Variants in FOSL2 observed in about 807,000 individuals in gnomAD.
FOSL2 encodes fos-related antigen 2.
FOSL2 carries 3 observed loss-of-function variants against 27.7 expected under a neutral mutation model. The ratio of observed to expected loss-of-function variants is 0.11; its 90% confidence interval spans 0.05 to 0.28. The LOEUF (loss-of-function observed/expected upper bound fraction) is 0.28, where lower values mean the gene tolerates loss of function less well. Among genes scored for constraint, FOSL2 ranks in the 10% least tolerant of loss-of-function variants. The pLI, the probability that FOSL2 is intolerant of heterozygous loss-of-function variation, is 1.00. For synonymous variants in FOSL2, 179 were observed against 190.1 expected (o/e 0.94, Z 0.48); for missense variants, 333 against 445.1 (o/e 0.75, Z 2.27).
At chr2:28,398,159 A>T (rs1663896105) in intron 1 of FOSL2, among the ~76,000 whole-genome samples, 1 of 152,256 alleles carries the variant, frequency 6.6e-6, no homozygotes, top group Non-Finnish European at 1.5e-5. Flanking sequence ...AAAGAAAAAA[A>T]TAGCATCATT....
chr2:28,403,408 G>A (rs186024686), intron 1 of FOSL2, among the ~76,000 whole-genome samples: 2 of 152,314 alleles, frequency 1.3e-5, no homozygotes, highest in Non-Finnish European at 2.9e-5. Context: ...TAGCTGGGTA[G>A]AGAGACACAC....
intron 2 of FOSL2, among the ~76,000 whole-genome samples, chr2:28,406,111 A>C (rs1375455578): frequency 2.1e-5 from 3 of 146,034 alleles, no homozygotes; most frequent in Non-Finnish European, 4.5e-5. Context: ...GCTAGAATGC[A>C]GTGGCACGAT....
chr2:28,412,497 C>T lies in FOSL2; in HGVS notation c.*49C>T, dbSNP rs762694247. The T allele has an allele frequency of 1.2e-5, 19 of 1,568,258 alleles. No homozygotes were observed. Among genetic ancestry groups the T allele is most frequent in the Admixed American group, 1.2e-4 (7 of 58,824 alleles). On this transcript the variant is annotated 3_prime_UTR_variant, in exon 4 of 4. Coordinates refer to ENST00000264716, the MANE Select transcript of FOSL2 (RefSeq NM_005253.4). The surrounding 1 kb of genome is among the most constrained non-coding windows in gnomAD (Gnocchi z 7.1). Reference sequence around the variant, plus strand: ...TCCGGAGGGGGTCCTCCTCGCTCCTCCTTCCCAGGGACCAGCACCTTCAAG... The same window carrying T: ...TCCGGAGGGGGTCCTCCTCGCTCCTTCTTCCCAGGGACCAGCACCTTCAAG...
rs867408687 is a variant in FOSL2, at chr2:28,404,582, C to T, written c.354+224C>T. Among the ~76,000 whole-genome samples, 2 of 152,182 alleles carry T rather than the reference C, an allele frequency of 1.3e-5. No homozygotes were observed. The highest frequency in any genetic ancestry group is 2.4e-5 in the African/African-American group (1 of 41,444). On this transcript the variant is annotated intron_variant, in intron 2 of 3. Coordinates refer to ENST00000264716, the MANE Select transcript of FOSL2 (RefSeq NM_005253.4). The surrounding 1 kb of genome is among the most constrained non-coding windows in gnomAD (Gnocchi z 4.7). The stretch of plus-strand genomic sequence containing the variant: ...CTTATGTCCCTTAGAATCTCTGAGT[C>T]TCACTTTCCTCAGCCACAAAATGGG...
intron 2 of FOSL2, among the ~76,000 whole-genome samples, chr2:28,406,090 C>T (rs2148090668): frequency 7.0e-6 from 1 of 142,260 alleles, no homozygotes; most frequent in East Asian, 2.3e-4. Context: ...GAGTCCTGCT[C>T]TATCACTCAG....
intron 1 of FOSL2, chr2:28,396,811 C>CACACACACACACACACACACAA (rs1663850482): frequency 4.0e-5 from 6 of 150,922 alleles, no homozygotes; most frequent in African/African-American, 1.5e-4. Flanking sequence ...CACACACACA[C>CACACACACACACACACACACAA]ACACACACAC....
chr2:28,405,315 C>T (rs915183239), intron 2 of FOSL2, among the ~76,000 whole-genome samples: 1 of 152,208 alleles, frequency 6.6e-6, no homozygotes, highest in Non-Finnish European at 1.5e-5. Context: ...GAAGTCTGGG[C>T]TAGATCCCAG....
rs1663713950 is a variant in FOSL2 at position 28,393,215 on chromosome 2, G to T, written c.-506G>T. On this transcript the variant is annotated 5_prime_UTR_variant, in exon 1 of 4. Coordinates refer to ENST00000264716, the MANE Select transcript of FOSL2 (RefSeq NM_005253.4). The surrounding 1 kb of genome is among the most constrained non-coding windows in gnomAD (Gnocchi z 4.6). ...GTCGGCCACGGGAAGTTTATTCTCC[G>T]GCTCCTTTTCTAAAAGGAAGAAACA... The T allele has an allele frequency of 4.2e-6, 1 of 238,140 alleles. No homozygotes were observed. The highest frequency in any genetic ancestry group is 5.8e-5 in the Admixed American group (1 of 17,206). 14.8% of individuals were successfully genotyped at this position (238,140 alleles called of 1,614,324 possible).
At chr2:28,396,799 C>CACACACACACACACACACACAA (rs1231736529) in intron 1 of FOSL2, 1 of 144,354 alleles carries the variant, frequency 6.9e-6, no homozygotes, top group African/African-American at 2.6e-5. Flanking sequence ...GACACACACA[C>CACACACACACACACACACACAA]ACACACACAC....
In FOSL2 at chr2:28,407,878, C is replaced by T. The variant is rs143830275; in HGVS notation, c.355-881C>T. Among the ~76,000 whole-genome samples the T allele has an allele frequency of 2.9e-3, 444 of 152,288 alleles. 3 individuals are homozygous for T. The highest frequency in any genetic ancestry group is 4.5e-3 in the Non-Finnish European group (306 of 68,030). On this transcript the variant is annotated intron_variant, in intron 2 of 3. Transcript: ENST00000264716. Reference sequence around the variant, plus strand: ...TCAGTAGAGCAGAGTTCATGCTTTCCGGTATGAGTGACAGATTCCTAACTG... The same window carrying T: ...TCAGTAGAGCAGAGTTCATGCTTTCTGGTATGAGTGACAGATTCCTAACTG...
chr2:28,396,942 C>T (rs1157900647), intron 1 of FOSL2: 1 of 152,132 alleles, frequency 6.6e-6, no homozygotes, highest in East Asian at 1.9e-4. Context: ...TAGCCTCAAT[C>T]ATACCTCTCT....
rs779551070 is a variant in FOSL2 at position 28,412,292 on chromosome 2, G to A, written c.825G>A (p.Pro275=). The A allele has an allele frequency of 3.3e-5, 53 of 1,613,952 alleles. No homozygotes were observed. The highest frequency in any genetic ancestry group is 4.2e-5 in the Non-Finnish European group (49 of 1,180,010). The change falls in exon 4 of 4, where the codon CCG becomes CCA. Residue 275 remains proline, a synonymous_variant. Coordinates refer to ENST00000264716, the MANE Select transcript of FOSL2 (RefSeq NM_005253.4). This position sits in a 1 kb window ranked among gnomAD's most constrained non-coding sequence, Gnocchi z 7.1. ...IVVTSTPAVT[P]GTSNLVFTYP... ...TGACCTCCACACCTGCTGTCACTCCGGGCACCTCGAACCTCGTCTTCACCT... is the reference window on the plus strand; with the variant it reads ...TGACCTCCACACCTGCTGTCACTCCAGGCACCTCGAACCTCGTCTTCACCT...
Position 28,413,312 on chromosome 2 carries a change from G to A in FOSL2, c.*864G>A, listed in dbSNP as rs1664244582. 5.0e-6 allele frequency: 2 copies of A among 396,224 alleles called. No homozygotes were observed. Among genetic ancestry groups the A allele is most frequent in the Non-Finnish European group, 8.9e-6 (2 of 225,188 alleles). 24.5% of individuals were successfully genotyped at this position (396,224 alleles called of 1,614,324 possible). On this transcript the variant is annotated 3_prime_UTR_variant, in exon 4 of 4. Coordinates refer to ENST00000264716, the MANE Select transcript of FOSL2 (RefSeq NM_005253.4). ...CCTAGCCAGCTTCCCTTCACCTGGT[G>A]TCTTGAGTAGGGCGTCTCCTGTAAT...
chr2:28,403,111 C>T (rs1175711982), intron 1 of FOSL2, among the ~76,000 whole-genome samples: 1 of 152,200 alleles, frequency 6.6e-6, no homozygotes, highest in East Asian at 1.9e-4. Context: ...ATTAGGGGGA[C>T]TTGCCTCTGA....
rs950522343 is a variant in FOSL2, at chr2:28,415,597, C to T, written c.*3149C>T. 6.6e-6 allele frequency: 1 copy of T among 152,158 alleles called. No individual in the cohort carries two copies. Among genetic ancestry groups the T allele is most frequent in the East Asian group, 1.9e-4 (1 of 5,192 alleles). The allele number at this position is 152,158 out of a possible 1,614,324, so 9.4% of individuals were successfully genotyped here. ...CTTTTTTTCTCTTTTCCTTGATGGA[C>T]CAACAGTGCAAATGCAATCTCGCCA... On this transcript the variant is annotated 3_prime_UTR_variant, in exon 4 of 4. Transcript: ENST00000264716.
At position 28,416,749 on chromosome 2, in the gene FOSL2, T is replaced by C. The variant is rs1664319245; in HGVS notation, c.*4301T>C. 1 of 152,056 alleles carries C rather than the reference T, an allele frequency of 6.6e-6. No individual in the cohort carries two copies. Among genetic ancestry groups the C allele is most frequent in the African/African-American group, 2.4e-5 (1 of 41,380 alleles). 9.4% of individuals were successfully genotyped at this position (152,056 alleles called of 1,614,324 possible). ...AAAATATTTGACTTTGTGTAAAGAG[T>C]AGGGTATCAGGGTGTCTTTTCTGCC... On this transcript the variant is annotated 3_prime_UTR_variant, in exon 4 of 4. Transcript: ENST00000264716.
At position 28,393,135 on chromosome 2, in the gene FOSL2, G is replaced by T. The variant is rs1395351790; in HGVS notation, c.-586G>T. On this transcript the variant is annotated 5_prime_UTR_variant, in exon 1 of 4. Transcript: ENST00000264716. The surrounding 1 kb of genome is among the most constrained non-coding windows in gnomAD (Gnocchi z 4.6). ...GCGCGCTCGGGGCCGCGGGACGGGC[G>T]CACGCCGCCTTCTCCTAGTCAAGTA... The T allele has an allele frequency of 1.2e-5, 4 of 336,644 alleles. No individual in the cohort carries two copies. Among genetic ancestry groups the T allele is most frequent in the Non-Finnish European group, 1.6e-5 (3 of 186,854 alleles). The allele number at this position is 336,644 out of a possible 1,614,324, so 20.9% of individuals were successfully genotyped here.
At chr2:28,396,353 C>T (rs1327078952) in intron 1 of FOSL2, among the ~76,000 whole-genome samples, 2 of 152,144 alleles carry the variant, frequency 1.3e-5, no homozygotes, top group Non-Finnish European at 2.9e-5. Flanking sequence ...GAACTTGAGG[C>T]ATGAAAAATA....
In FOSL2 at chr2:28,412,529, A is replaced by C; in HGVS notation, c.*81A>C. The C allele has an allele frequency of 6.7e-7, 1 of 1,493,946 alleles. No homozygotes were observed. The highest frequency in any genetic ancestry group is 9.0e-7 in the Non-Finnish European group (1 of 1,110,832). The allele number at this position is 1,493,946 out of a possible 1,614,324, so 92.5% of individuals were successfully genotyped here. ...AGGGACCAGCACCTTCAAGCGCTCC[A>C]GGGCCGTGAGGGCAAGAGGGGGACC... On this transcript the variant is annotated 3_prime_UTR_variant, in exon 4 of 4. Coordinates refer to ENST00000264716, the MANE Select transcript of FOSL2 (RefSeq NM_005253.4). The surrounding 1 kb of genome is among the most constrained non-coding windows in gnomAD (Gnocchi z 7.1).
Sources: gnomAD v4.1 joint callset for allele counts (sites outside exome capture counted in the v4.1 genomes callset) on GRCh38, gnomAD v4.1.1 for gene constraint, Gnocchi (gnomAD v3.1) non-coding constraint, MANE v1.5 for transcripts, NCBI Gene and HGNC (gene_info 2026-07-23, HGNC 2026-07-21) for gene names.